GRM5: variants seen among roughly 807,000 people sequenced by gnomAD.
GRM5 encodes the protein glutamate metabotropic receptor 5.
GRM5 carries 19 observed loss-of-function variants against 83.1 expected under a neutral mutation model. The ratio of observed to expected loss-of-function variants is 0.23; its 90% CI spans 0.16 to 0.34. GRM5 has a LOEUF of 0.34. Among genes scored for constraint, GRM5 ranks in the 10% least tolerant of loss-of-function variants. GRM5 has a pLI of 1.00. For missense variants in GRM5, 1,160 were observed against 1,588.3 expected (o/e 0.73, Z 4.58); for synonymous variants, 675 against 633.6 (o/e 1.07, Z -0.98).
intron 2 of GRM5, chr11:88,984,824 T>C (rs781490064): frequency 2.0e-5 from 15 of 740,882 alleles, no homozygotes; most frequent in Non-Finnish European, 3.0e-5. Flanking sequence ...CAGGGCATCA[T>C]ATACTAAAGA....
intron 2 of GRM5, among the ~76,000 whole-genome samples, chr11:88,914,647 T>C (rs184966087): frequency 2.6e-5 from 4 of 152,308 alleles, no homozygotes; most frequent in Admixed American, 1.3e-4. Context: ...CTCTGTTCCA[T>C]TGAATCCCAA....
At chr11:88,670,768 C>A (rs1940171198) in intron 3 of GRM5, among the ~76,000 whole-genome samples, 1 of 151,862 alleles carries the variant, frequency 6.6e-6, no homozygotes. Flanking sequence ...TACTCACAGA[C>A]CAAAATGGCA....
intron 3 of GRM5, among the ~76,000 whole-genome samples, chr11:88,842,164 T>A (rs1944215295): frequency 6.6e-6 from 1 of 152,218 alleles, no homozygotes; most frequent in East Asian, 1.9e-4. Flanking sequence ...AAATAGTATA[T>A]GTAAATATTA....
At chr11:88,793,123 T>G (rs1353596515) in intron 3 of GRM5, among the ~76,000 whole-genome samples, 1 of 152,172 alleles carries the variant, frequency 6.6e-6, no homozygotes, top group Non-Finnish European at 1.5e-5. Flanking sequence ...AAATTGATGA[T>G]ATGTATTACA....
chr11:88,868,239 G>A (rs1242702599), intron 2 of GRM5, among the ~76,000 whole-genome samples: 2 of 151,822 alleles, frequency 1.3e-5, no homozygotes, highest in African/African-American at 4.8e-5. Context: ...ATCATAAAGA[G>A]CTCTTATGAG....
At chr11:88,956,109 G>A (rs919915629) in intron 2 of GRM5, among the ~76,000 whole-genome samples, 3 of 152,162 alleles carry the variant, frequency 2.0e-5, no homozygotes, top group South Asian at 2.1e-4. Flanking sequence ...ATTCACAAGT[G>A]AGAATCTGAA....
At chr11:89,064,948 G>T (rs1307971898) in intron 1 of GRM5, among the ~76,000 whole-genome samples, 4 of 110,964 alleles carry the variant, frequency 3.6e-5, no homozygotes, top group African/African-American at 1.3e-4. Flanking sequence ...GAGGGAGAGA[G>T]AGATATTATT....
At chr11:88,697,800 A>G (rs1207767726) in intron 3 of GRM5, among the ~76,000 whole-genome samples, 2 of 152,234 alleles carry the variant, frequency 1.3e-5, no homozygotes, top group African/African-American at 4.8e-5. Flanking sequence ...TTTGTATGCA[A>G]GTGAAATCTT....
intron 3 of GRM5, among the ~76,000 whole-genome samples, chr11:88,736,503 CT>C (rs1941917062): frequency 6.6e-6 from 1 of 151,976 alleles, no homozygotes; most frequent in African/African-American, 2.4e-5. Flanking sequence ...TGGAGCCCAC[CT>C]TTACTAAAAA....
intron 3 of GRM5, among the ~76,000 whole-genome samples, chr11:88,808,110 T>G (rs1214027334): frequency 6.6e-6 from 1 of 152,030 alleles, no homozygotes; most frequent in African/African-American, 2.4e-5. Flanking sequence ...GGTATATATA[T>G]TACATACTGG....
intron 2 of GRM5, among the ~76,000 whole-genome samples, chr11:88,976,569 A>G (rs1003091786): frequency 6.6e-6 from 1 of 152,030 alleles, no homozygotes; most frequent in African/African-American, 2.4e-5. Flanking sequence ...TGAATTAATA[A>G]TTGCTGTTAT....
At chr11:88,791,185 GT>G (rs1943166200) in intron 3 of GRM5, among the ~76,000 whole-genome samples, 1 of 152,110 alleles carries the variant, frequency 6.6e-6, no homozygotes, top group Non-Finnish European at 1.5e-5. Context: ...TACTCTCATT[GT>G]TTTCAAGACT....
At chr11:88,695,109 T>A (rs901864880) in intron 3 of GRM5, among the ~76,000 whole-genome samples, 5 of 152,192 alleles carry the variant, frequency 3.3e-5, no homozygotes, top group African/African-American at 7.2e-5. Context: ...TCTCTAGGTA[T>A]GACATCTGAC....
At chr11:88,798,216 A>G (rs1029618266) in intron 3 of GRM5, among the ~76,000 whole-genome samples, 3 of 152,174 alleles carry the variant, frequency 2.0e-5, no homozygotes, top group Non-Finnish European at 2.9e-5. Flanking sequence ...ATTTCAATCA[A>G]TGTTATCATT....
intron 3 of GRM5, among the ~76,000 whole-genome samples, chr11:88,778,705 C>T (rs1591509705): frequency 6.6e-6 from 1 of 152,140 alleles, no homozygotes; most frequent in African/African-American, 2.4e-5. Flanking sequence ...GTCTAAGTTG[C>T]TTTTTATGTA....
chr11:88,945,125 CACAT>C lies in GRM5; in HGVS notation c.662-94974_662-94971del, dbSNP rs1938235557. Reference sequence around the variant, plus strand: ...ATTTCATTTACAATAGACACACACACACATACACACACACACACACACATACACA... The same window carrying C: ...ATTTCATTTACAATAGACACACACACACACACACACACACACACATACACA... On this transcript the variant is annotated intron_variant, in intron 2 of 9. Transcript: ENST00000305447. Among the ~76,000 whole-genome samples, 3 of 128,356 alleles carry C rather than the reference CACAT, an allele frequency of 2.3e-5. No homozygotes were observed. The South Asian group carries it at 6.9e-4, about 30-fold the overall frequency. The allele number at this position is 128,356 out of a possible 152,430, so 84.2% of individuals were successfully genotyped here.
chr11:88,627,685 C>T (rs10501674), intron 4 of GRM5, among the ~76,000 whole-genome samples: 1 of 151,956 alleles, frequency 6.6e-6, no homozygotes, highest in Non-Finnish European at 1.5e-5. Context: ...TTTAAGTCAC[C>T]CTTGTCTTCT....
At chr11:88,704,340 A>G (rs1941104077) in intron 3 of GRM5, among the ~76,000 whole-genome samples, 1 of 152,022 alleles carries the variant, frequency 6.6e-6, no homozygotes, top group African/African-American at 2.4e-5. Context: ...GTTAGGTGGT[A>G]AGAAACAGGG....
chr11:88,623,373 G>T (rs180890047), intron 4 of GRM5, among the ~76,000 whole-genome samples: 1 of 151,848 alleles, frequency 6.6e-6, no homozygotes, highest in Non-Finnish European at 1.5e-5. Flanking sequence ...CAGGTGACCC[G>T]CCCGCCTCAG....
Sources: gnomAD v4.1 joint callset for allele counts (sites outside exome capture counted in the v4.1 genomes callset) on GRCh38, gnomAD v4.1.1 for gene constraint, MANE v1.5 for transcripts, NCBI Gene and HGNC (gene_info 2026-07-23, HGNC 2026-07-21) for gene names.